Variants in VPS8 observed in about 807,000 individuals in gnomAD.
VPS8 encodes the protein vacuolar protein sorting-associated protein 8 homolog.
In VPS8, 129 loss-of-function variants were observed where a neutral mutation model predicts 216.4. The ratio of observed to expected loss-of-function variants is 0.60; its 90% CI spans 0.52 to 0.69. The LOEUF is 0.69. Ranked by LOEUF, VPS8 falls within the 30% of genes least tolerant of loss-of-function variation. VPS8 has a pLI of 0.00. For synonymous variants in VPS8, 571 were observed against 565.4 expected, an observed-to-expected ratio of 1.01 and a Z score of -0.14; for missense variants, 1,531 against 1,683.5, an observed-to-expected ratio of 0.91 and a Z score of 1.59.
intron 13 of VPS8, among the ~76,000 whole-genome samples, chr3:184,855,353 A>G (rs7642996): frequency 6.6e-6 from 1 of 151,914 alleles, no homozygotes; most frequent in Non-Finnish European, 1.5e-5. Context: ...AGAAACCAGT[A>G]TTCTTTCCCC....
intron 1 of VPS8, among the ~76,000 whole-genome samples, chr3:184,821,074 AAATGTAATAG>A (rs1717474567): frequency 6.6e-6 from 1 of 152,260 alleles, no homozygotes; most frequent in African/African-American, 2.4e-5. Flanking sequence ...TTGAGGTTTT[AAATGTAATAG>A]CTAATATCTG....
chr3:184,926,680 A>G, intron 31 of VPS8, 30 bp downstream of exon 31: 1 of 1,572,016 alleles, frequency 6.4e-7, no homozygotes, highest in Non-Finnish European at 8.6e-7. Flanking sequence ...TTTTTGCTAA[A>G]AAATAGGAAA....
chr3:184,981,885 GTTA>G (rs762130614), intron 40 of VPS8, among the ~76,000 whole-genome samples: 1 of 151,928 alleles, frequency 6.6e-6, no homozygotes, highest in South Asian at 2.1e-4. Context: ...ACTGTATAAG[GTTA>G]TTATGAGATT....
Position 184,928,487 on chromosome 3 carries a change from C to A in VPS8, c.2668C>A (p.Gln890Lys). The stretch of plus-strand genomic sequence containing the variant: ...ATTGCTGCAGGCTGGAGGCATAGTT[C>A]AATTTGAAGAGAGTCGACTCATCCG... ...LELLQAGGIV[Q>K]FEESRLIRMA... is the part of the protein sequence containing the mutation. Residue 890 changes from glutamine to lysine, a missense_variant, in exon 32 of 48, where the codon CAA (glutamine) becomes AAA (lysine). Around this residue, in one of 3 missense-constraint regions of VPS8, gnomAD observed 1,318 missense variants for 1,468.4 expected, o/e 0.90. Coordinates refer to ENST00000625842, the MANE Select transcript of VPS8 (RefSeq NM_001009921.3). 6.5e-7 allele frequency: 1 copy of A among 1,534,930 alleles called. No homozygotes were observed. The highest frequency in any genetic ancestry group is 8.7e-7 in the Non-Finnish European group (1 of 1,152,562).
At chr3:184,893,249 A>G in intron 22 of VPS8, 1 of 1,286,162 alleles carries the variant, frequency 7.8e-7, no homozygotes, top group Non-Finnish European at 1.0e-6. Flanking sequence ...CAGATGAGTC[A>G]AAACCCCATC....
chr3:184,989,341 TG>T (rs1751558817), intron 42 of VPS8, among the ~76,000 whole-genome samples: 1 of 152,252 alleles, frequency 6.6e-6, no homozygotes, highest in South Asian at 2.1e-4. Flanking sequence ...TTTTATCAAG[TG>T]CATTTTCTGC....
At chr3:184,864,603 G>A (rs1428050021) in intron 16 of VPS8, among the ~76,000 whole-genome samples, 1 of 152,192 alleles carries the variant, frequency 6.6e-6, no homozygotes, top group Non-Finnish European at 1.5e-5. Flanking sequence ...ATGATTCACA[G>A]GGCATTGGGT....
intron 45 of VPS8, among the ~76,000 whole-genome samples, chr3:185,017,890 G>A (rs1756041674): frequency 6.6e-6 from 1 of 152,154 alleles, no homozygotes; most frequent in African/African-American, 2.4e-5. Context: ...AACTTAGAGT[G>A]ACACTGATTA....
At chr3:184,890,905 A>G (rs1030583447) in intron 22 of VPS8, among the ~76,000 whole-genome samples, 7 of 152,124 alleles carry the variant, frequency 4.6e-5, no homozygotes, top group Admixed American at 2.0e-4. Context: ...GACAAAAGAC[A>G]CAATGTCTTA....
intron 46 of VPS8, among the ~76,000 whole-genome samples, chr3:185,037,648 C>CTTCATTCT (rs1759095417): frequency 6.6e-6 from 1 of 151,980 alleles, no homozygotes; most frequent in Non-Finnish European, 1.5e-5. Flanking sequence ...GTTCACTTTT[C>CTTCATTCT]TTCATTCTTT....
At chr3:184,902,686 C>T (rs1158896487) in intron 25 of VPS8, among the ~76,000 whole-genome samples, 9 of 151,236 alleles carry the variant, frequency 6.0e-5, no homozygotes, top group South Asian at 4.2e-4. Context: ...AAAAATTAGC[C>T]GGGCGTGGTG....
At chr3:184,849,697 G>C (rs1201132739) in intron 9 of VPS8, 5 of 505,816 alleles carry the variant, frequency 9.9e-6, no homozygotes, top group Non-Finnish European at 1.7e-5. Context: ...CTCTCAGTAT[G>C]AGAACAACAT....
At chr3:184,930,397 A>T in intron 33 of VPS8, 73 bp from the exon 34 acceptor site, 1 of 1,028,566 alleles carries the variant, frequency 9.7e-7, no homozygotes, top group South Asian at 1.5e-5. Flanking sequence ...ATGTTTACCA[A>T]GACTGGTTCA....
chr3:184,859,849 T>G, intron 14 of VPS8, 136 bp from the exon 15 acceptor site: 1 of 575,314 alleles, frequency 1.7e-6, no homozygotes. Flanking sequence ...ATTTGTGTAA[T>G]TATCAGTATT....
chr3:184,958,879 AGAGT>A (rs1746043469), intron 37 of VPS8, among the ~76,000 whole-genome samples: 1 of 152,200 alleles, frequency 6.6e-6, no homozygotes, highest in Admixed American at 6.5e-5. Flanking sequence ...AAAAATAATC[AGAGT>A]AAGTTCAATT....
chr3:184,829,826 G>A (rs148737592), intron 3 of VPS8, among the ~76,000 whole-genome samples: 1 of 152,256 alleles, frequency 6.6e-6, no homozygotes, highest in Admixed American at 6.5e-5. Context: ...TCTCTTTTGT[G>A]AATTGCCTTT....
At chr3:184,873,258 C>T (rs537959077) in intron 21 of VPS8, among the ~76,000 whole-genome samples, 2 of 152,062 alleles carry the variant, frequency 1.3e-5, no homozygotes, top group Admixed American at 1.3e-4. Context: ...GACTCATATC[C>T]AGGTCTTTCT....
chr3:184,913,422 A>G, intron 25 of VPS8, 97 bp from the exon 26 acceptor site: 3 of 1,115,138 alleles, frequency 2.7e-6, no homozygotes, highest in Non-Finnish European at 3.9e-6. Context: ...ACCTCACCTT[A>G]AATGCCAAGT....
At chr3:184,905,204 T>C (rs1368954039) in intron 25 of VPS8, among the ~76,000 whole-genome samples, 1 of 152,142 alleles carries the variant, frequency 6.6e-6, no homozygotes, top group Non-Finnish European at 1.5e-5. Flanking sequence ...CATTGTTGCA[T>C]TGGGGATTAA....
Sources: gnomAD v4.1 joint callset for allele counts (sites outside exome capture counted in the v4.1 genomes callset) on GRCh38, gnomAD v4.1.1 for gene constraint, gnomAD v4.1.1 regional missense constraint, MANE v1.5 for transcripts, NCBI Gene and HGNC (gene_info 2026-07-23, HGNC 2026-07-21) for gene names.